VAV2: variants seen among roughly 807,000 people sequenced by gnomAD.
VAV2 encodes guanine nucleotide exchange factor VAV2.
VAV2 carries 67 observed loss-of-function variants against 132.5 expected under a neutral mutation model. The ratio of observed to expected loss-of-function variants is 0.51; its 90% CI spans 0.42 to 0.62. The LOEUF (loss-of-function observed/expected upper bound fraction) is 0.62, where lower values mean the gene tolerates loss of function less well. Among genes scored for constraint, VAV2 ranks in the 20% least tolerant of loss-of-function variants. VAV2 has a pLI of 0.00. For synonymous variants in VAV2, 492 were observed against 443.5 expected (o/e 1.11, Z -1.37); for missense variants, 938 against 1,153.6 (o/e 0.81, Z 2.71).
At chr9:133,775,855 G>A (rs1833791404) in intron 24 of VAV2, among the ~76,000 whole-genome samples, 173 bp downstream of exon 24, 1 of 152,248 alleles carries the variant, frequency 6.6e-6, no homozygotes. Context: ...TTATAGGCCA[G>A]GAGGGAGAAG....
intron 4 of VAV2, among the ~76,000 whole-genome samples, chr9:133,817,305 C>T (rs1451063864): frequency 2.0e-5 from 3 of 152,378 alleles, no homozygotes; most frequent in African/African-American, 7.2e-5. Flanking sequence ...TCATCCCACA[C>T]GTCTCAGGCT....
chr9:133,775,963 G>A, intron 24 of VAV2, 65 bp downstream of exon 24: 1 of 1,540,784 alleles, frequency 6.5e-7, no homozygotes, highest in Non-Finnish European at 8.8e-7. Context: ...CCCAGACCCG[G>A]CGGGCATGCC....
At chr9:133,938,557 A>G (rs916614996) in intron 2 of VAV2, among the ~76,000 whole-genome samples, 4 of 152,016 alleles carry the variant, frequency 2.6e-5, no homozygotes, top group Middle Eastern at 3.2e-3. Context: ...ACACAGAGAC[A>G]CTTCCCGGGG....
At chr9:133,867,151 C>T (rs530421601) in intron 2 of VAV2, among the ~76,000 whole-genome samples, 24 of 152,218 alleles carry the variant, frequency 1.6e-4, no homozygotes, top group African/African-American at 5.1e-4. Context: ...AGGGTCCCGG[C>T]GCTCCCTGCA....
chr9:133,989,218 A>T (rs1588235530), intron 1 of VAV2, among the ~76,000 whole-genome samples: 1 of 152,120 alleles, frequency 6.6e-6, no homozygotes, highest in East Asian at 1.9e-4. Flanking sequence ...CATGCCTGTC[A>T]TCCCAGCCGA....
rs1442266999 is a variant in VAV2, at chr9:133,969,743, G to A, written c.204+22332C>T. Among the ~76,000 whole-genome samples, 6 of 151,980 alleles carry A rather than the reference G, an allele frequency of 3.9e-5. No individual in the cohort carries two copies. The highest frequency in any genetic ancestry group is 7.4e-5 in the Non-Finnish European group (5 of 67,980). ...CCACCCACTCCTCCTGCGCTCCAGC[G>A]GGGCCGTCCATCTCTCTCCATTCCC... is the stretch of plus-strand genomic sequence containing the variant. On this transcript the variant is annotated intron_variant, in intron 1 of 29. Transcript: ENST00000371850. This position sits in a 1 kb window ranked among gnomAD's most constrained non-coding sequence, Gnocchi z 5.1.
At chr9:133,949,425 C>T (rs913169242) in intron 1 of VAV2, among the ~76,000 whole-genome samples, 4 of 152,236 alleles carry the variant, frequency 2.6e-5, no homozygotes, top group Admixed American at 6.5e-5. Flanking sequence ...ACGTGGCACC[C>T]GCTAGGGCTC....
intron 25 of VAV2, among the ~76,000 whole-genome samples, chr9:133,774,273 G>A (rs777052878): frequency 1.9e-4 from 29 of 152,300 alleles, no homozygotes; most frequent in Non-Finnish European, 2.8e-4. Flanking sequence ...GAGTGTGTGC[G>A]CCCTACCCCC....
intron 4 of VAV2, among the ~76,000 whole-genome samples, chr9:133,820,834 G>C (rs550143211): frequency 6.6e-6 from 1 of 152,312 alleles, no homozygotes; most frequent in East Asian, 1.9e-4. Context: ...TGGGAGTACA[G>C]GGCAGTGACA....
At position 133,769,897 on chromosome 9, in the gene VAV2, T is replaced by C. The variant is rs956573887; in HGVS notation, c.2348-394A>G. Among the ~76,000 whole-genome samples, 1 of 151,546 alleles carries C rather than the reference T, an allele frequency of 6.6e-6. No homozygotes were observed. Among genetic ancestry groups the C allele is most frequent in the Non-Finnish European group, 1.5e-5 (1 of 67,854 alleles). On this transcript the variant is annotated intron_variant, in intron 27 of 29. Coordinates refer to ENST00000371850, the MANE Select transcript of VAV2 (RefSeq NM_001134398.2). The surrounding 1 kb of genome is among the most constrained non-coding windows in gnomAD (Gnocchi z 8.1). ...GGACGTGGGGTGACTCTGGAGAGAGTCCTGAGCGGGAAGCCGCATGCTCGG... is the reference window on the plus strand; with the variant it reads ...GGACGTGGGGTGACTCTGGAGAGAGCCCTGAGCGGGAAGCCGCATGCTCGG...
chr9:133,791,285 C>T (rs1834448671), intron 13 of VAV2, among the ~76,000 whole-genome samples: 1 of 152,154 alleles, frequency 6.6e-6, no homozygotes, highest in Non-Finnish European at 1.5e-5. Flanking sequence ...CAGGAGGTGG[C>T]AGCCCTGCCT....
intron 4 of VAV2, among the ~76,000 whole-genome samples, chr9:133,821,064 C>T (rs1564378441): frequency 6.6e-6 from 1 of 152,260 alleles, no homozygotes; most frequent in Non-Finnish European, 1.5e-5. Flanking sequence ...GGCCCTGCCA[C>T]GTCTGCAAGT....
intron 2 of VAV2, among the ~76,000 whole-genome samples, chr9:133,908,835 G>T (rs745582209): frequency 6.6e-5 from 10 of 152,188 alleles, no homozygotes; most frequent in Non-Finnish European, 1.3e-4. Context: ...GTTTGGTTTT[G>T]CAGCCCCTGC....
intron 3 of VAV2, among the ~76,000 whole-genome samples, chr9:133,844,907 C>G (rs1373919851): frequency 6.6e-6 from 1 of 152,262 alleles, no homozygotes; most frequent in Non-Finnish European, 1.5e-5. Context: ...GGGCCCCAGA[C>G]AGCTCCCGGG....
At chr9:133,980,957 C>T (rs1485357073) in intron 1 of VAV2, among the ~76,000 whole-genome samples, 1 of 151,198 alleles carries the variant, frequency 6.6e-6, no homozygotes, top group African/African-American at 2.5e-5. Flanking sequence ...GTACCACCTC[C>T]TCCGGGAAGC....
At chr9:133,793,395 C>A (rs1834578383) in intron 12 of VAV2, among the ~76,000 whole-genome samples, 1 of 151,686 alleles carries the variant, frequency 6.6e-6, no homozygotes, top group Non-Finnish European at 1.5e-5. Flanking sequence ...TAGAAGACCT[C>A]ACCATTGGCT....
intron 2 of VAV2, among the ~76,000 whole-genome samples, chr9:133,932,251 G>A (rs1840713878): frequency 6.6e-6 from 1 of 152,204 alleles, no homozygotes; most frequent in Admixed American, 6.5e-5. Flanking sequence ...CCAGACACAG[G>A]GCACAGAGGA....
chr9:133,805,810 G>A (rs945692109), intron 9 of VAV2, among the ~76,000 whole-genome samples: 1 of 152,198 alleles, frequency 6.6e-6, no homozygotes, highest in African/African-American at 2.4e-5. Flanking sequence ...CCACTTGGAT[G>A]GCCACACCTC....
rs1834989960 is a variant in VAV2, at chr9:133,802,894, G to A, written c.836+3187C>T. Among the ~76,000 whole-genome samples the A allele has an allele frequency of 6.6e-6, 1 of 152,158 alleles. No homozygotes were observed. Among genetic ancestry groups the A allele is most frequent in the Non-Finnish European group, 1.5e-5 (1 of 68,018 alleles). ...GTGCACGGCTGAGCTGCCAGCTCTGGCCTCCGTTTCCCCATCTGGGAAATG... is the reference window on the plus strand; with the variant it reads ...GTGCACGGCTGAGCTGCCAGCTCTGACCTCCGTTTCCCCATCTGGGAAATG... On this transcript the variant is annotated intron_variant, in intron 9 of 29. Transcript: ENST00000371850. The surrounding 1 kb of genome is among the most constrained non-coding windows in gnomAD (Gnocchi z 5.8).
Sources: gnomAD v4.1 joint callset for allele counts (sites outside exome capture counted in the v4.1 genomes callset) on GRCh38, gnomAD v4.1.1 for gene constraint, Gnocchi (gnomAD v3.1) non-coding constraint, MANE v1.5 for transcripts, NCBI Gene and HGNC (gene_info 2026-07-23, HGNC 2026-07-21) for gene names.